RALGPS2: variants seen among roughly 807,000 people sequenced by gnomAD.
RALGPS2 encodes ras-specific guanine nucleotide-releasing factor RalGPS2.
In RALGPS2, 43 loss-of-function variants were observed where a neutral mutation model predicts 86.8. The observed-to-expected ratio is 0.50, with a 90% CI of 0.39 to 0.64. RALGPS2 has a LOEUF of 0.64. Ranked by LOEUF, RALGPS2 falls within the 30% of genes least tolerant of loss-of-function variation. The probability of loss-of-function intolerance (pLI) is 0.00; values close to 1 mark genes in which losing one functional copy is unlikely to be tolerated. For synonymous variants in RALGPS2, 243 were observed against 231.3 expected, an observed-to-expected ratio of 1.05 and a Z score of -0.46; for missense variants, 536 against 694.6, an observed-to-expected ratio of 0.77 and a Z score of 2.57.
intron 8 of RALGPS2, among the ~76,000 whole-genome samples, chr1:178,848,866 G>A (rs978196872): frequency 6.6e-6 from 1 of 152,142 alleles, no homozygotes; most frequent in African/African-American, 2.4e-5. Flanking sequence ...CTGAGCTCAA[G>A]TGATCCACCT....
chr1:178,770,350 G>C (rs931981939), intron 1 of RALGPS2, among the ~76,000 whole-genome samples: 2 of 152,014 alleles, frequency 1.3e-5, no homozygotes, highest in South Asian at 2.1e-4. Context: ...GCACTATCTT[G>C]ATATTTCCAA....
At chr1:178,782,447 C>T (rs947402982) in intron 2 of RALGPS2, among the ~76,000 whole-genome samples, 1 of 152,100 alleles carries the variant, frequency 6.6e-6, no homozygotes, top group African/African-American at 2.4e-5. Flanking sequence ...TCTCCACCTG[C>T]CCTCAAGGGA....
chr1:178,826,870 A>G (rs769824526), intron 7 of RALGPS2, among the ~76,000 whole-genome samples: 1 of 152,224 alleles, frequency 6.6e-6, no homozygotes, highest in African/African-American at 2.4e-5. Flanking sequence ...GCAGAAAGTT[A>G]TAAAACTTTA....
chr1:178,855,296 CTTT>C (rs71677302), intron 8 of RALGPS2, among the ~76,000 whole-genome samples: 6 of 135,920 alleles, frequency 4.4e-5, no homozygotes, highest in African/African-American at 7.8e-5. Flanking sequence ...AGGACAGAGA[CTTT>C]TTTTTTTTTT....
intron 1 of RALGPS2, among the ~76,000 whole-genome samples, chr1:178,743,583 T>TA (rs1245788868): frequency 6.6e-6 from 1 of 152,122 alleles, no homozygotes; most frequent in Admixed American, 6.6e-5. Flanking sequence ...TAATTTAAGT[T>TA]AAAAAAATTA....
intron 8 of RALGPS2, among the ~76,000 whole-genome samples, chr1:178,860,534 C>G (rs1377383416): frequency 6.6e-6 from 1 of 152,128 alleles, no homozygotes; most frequent in Non-Finnish European, 1.5e-5. Context: ...TCACCACCAT[C>G]CTTCTCCAGA....
At chr1:178,767,021 T>C (rs1652538134) in intron 1 of RALGPS2, among the ~76,000 whole-genome samples, 1 of 152,250 alleles carries the variant, frequency 6.6e-6, no homozygotes, top group Non-Finnish European at 1.5e-5. Flanking sequence ...TTGTGATTGT[T>C]TTCTGAAATT....
chr1:178,759,527 CTTTT>C (rs59419655), intron 1 of RALGPS2, among the ~76,000 whole-genome samples: 11 of 115,012 alleles, frequency 9.6e-5, no homozygotes, highest in Admixed American at 1.7e-4. Flanking sequence ...CAGTTTTGTT[CTTTT>C]TTTTTTTTTT....
chr1:178,785,252 T>C (rs909274934), intron 3 of RALGPS2, among the ~76,000 whole-genome samples: 7 of 152,166 alleles, frequency 4.6e-5, no homozygotes, highest in Non-Finnish European at 1.0e-4. Flanking sequence ...ACAAGAACAC[T>C]GCTATGTGAA....
intron 1 of RALGPS2, among the ~76,000 whole-genome samples, chr1:178,736,165 G>GTTTTT (rs369513866): frequency 7.4e-6 from 1 of 134,770 alleles, no homozygotes; most frequent in African/African-American, 2.7e-5. Flanking sequence ...TTTGTGGGTT[G>GTTTTT]TTTTTTTTTT....
chr1:178,730,726 A>G (rs1650296909), intron 1 of RALGPS2, among the ~76,000 whole-genome samples: 1 of 146,696 alleles, frequency 6.8e-6, no homozygotes, highest in South Asian at 2.1e-4. Flanking sequence ...TTGAGACAAG[A>G]GTTTTGCTCT....
rs1197960340 is a variant in RALGPS2 at position 178,780,555 on chromosome 1, C to CT, written c.57+3737dup. Among the ~76,000 whole-genome samples the CT allele has an allele frequency of 9.2e-5, 14 of 152,234 alleles. No individual in the cohort carries two copies. In the East Asian group the frequency reaches 2.7e-3, roughly 29 times the overall value. On this transcript the variant is annotated intron_variant, in intron 2 of 19. Coordinates refer to ENST00000367635, the MANE Select transcript of RALGPS2 (RefSeq NM_152663.5). The stretch of plus-strand genomic sequence containing the variant: ...TGCCCACTGAGCCTTTTATTCAAGA[C>CT]TTTCTTCAAAATGGCCCCAAATTTT...
intron 19 of RALGPS2, among the ~76,000 whole-genome samples, chr1:178,910,600 C>G (rs1660582166): frequency 6.6e-6 from 1 of 152,198 alleles, no homozygotes; most frequent in Non-Finnish European, 1.5e-5. Flanking sequence ...CCTTGCATCT[C>G]AGGAATAAAG....
intron 8 of RALGPS2, among the ~76,000 whole-genome samples, chr1:178,857,290 A>C (rs1657650884): frequency 6.6e-6 from 1 of 152,176 alleles, no homozygotes; most frequent in Admixed American, 6.5e-5. Flanking sequence ...AGATATGTAG[A>C]TATGAAACTA....
intron 2 of RALGPS2, among the ~76,000 whole-genome samples, chr1:178,777,173 T>C (rs188730686): frequency 7.1e-6 from 1 of 141,766 alleles, no homozygotes; most frequent in African/African-American, 2.6e-5. Context: ...CTCCTTAAGC[T>C]GATAAGCAAC....
At chr1:178,873,698 C>T (rs1203207222) in intron 8 of RALGPS2, among the ~76,000 whole-genome samples, 1 of 152,026 alleles carries the variant, frequency 6.6e-6, no homozygotes, top group Non-Finnish European at 1.5e-5. Flanking sequence ...GGGAGTAACT[C>T]AAAAGTCTAT....
intron 1 of RALGPS2, chr1:178,747,032 T>G: frequency 1.1e-6 from 1 of 888,522 alleles, no homozygotes; most frequent in Non-Finnish European, 1.9e-6. Flanking sequence ...CCTTCTGTTA[T>G]AGCCATGTAT....
At chr1:178,842,806 G>GA (rs1296644096) in intron 8 of RALGPS2, among the ~76,000 whole-genome samples, 1 of 147,754 alleles carries the variant, frequency 6.8e-6, no homozygotes, top group Non-Finnish European at 1.5e-5. Flanking sequence ...AAATTTACAA[G>GA]AAAAAAACAA....
At chr1:178,788,841 C>CTTTCTTTCT (rs1183666679) in intron 4 of RALGPS2, among the ~76,000 whole-genome samples, 2,242 of 132,404 alleles carry the variant, frequency 0.017, 48 homozygotes, top group Admixed American at 0.049. Context: ...TTCTTTCTTT[C>CTTTCTTTCT]TTTCTTTTCT....
Sources: gnomAD v4.1 joint callset for allele counts (sites outside exome capture counted in the v4.1 genomes callset) on GRCh38, gnomAD v4.1.1 for gene constraint, MANE v1.5 for transcripts, NCBI Gene and HGNC (gene_info 2026-07-23, HGNC 2026-07-21) for gene names.